The following RBFOX1 variants were observed in gnomAD, a reference collection of about 807,000 sequenced individuals.
RBFOX1 encodes RNA binding fox-1 homolog 1, also known as RNA binding protein fox-1 homolog 1.
RBFOX1 carries 8 observed loss-of-function variants against 57.7 expected under a neutral mutation model. That is an observed-to-expected ratio of 0.14 (90% CI 0.08 to 0.25). RBFOX1 has a LOEUF of 0.25. RBFOX1 is among the 10% of genes least tolerant of loss of function. The pLI, the probability that RBFOX1 is intolerant of heterozygous loss-of-function variation, is 1.00. For missense variants in RBFOX1, 611 were observed against 548.5 expected, an observed-to-expected ratio of 1.11 and a Z score of -1.14; for synonymous variants, 326 against 222.4, an observed-to-expected ratio of 1.47 and a Z score of -4.15.
chr16:7,138,936 G>A (rs934392580), intron 4 of RBFOX1, among the ~76,000 whole-genome samples: 2 of 152,062 alleles, frequency 1.3e-5, no homozygotes, highest in African/African-American at 4.8e-5. Flanking sequence ...AGCCTCCCAA[G>A]TAGCTAAGAT....
At chr16:5,579,878 G>A (rs1006377990) in intron 2 of RBFOX1, among the ~76,000 whole-genome samples, 3 of 151,662 alleles carry the variant, frequency 2.0e-5, no homozygotes, top group Non-Finnish European at 4.4e-5. Context: ...TCCTGCTTCA[G>A]CCTCCCAAGT....
intron 14 of RBFOX1, among the ~76,000 whole-genome samples, chr16:7,679,349 A>G (rs1403881654): frequency 6.6e-6 from 1 of 152,238 alleles, no homozygotes; most frequent in East Asian, 1.9e-4. Context: ...ATATCATCAC[A>G]GCATAGAATC....
intron 1 of RBFOX1, among the ~76,000 whole-genome samples, chr16:6,182,256 A>G (rs2097069176): frequency 6.6e-6 from 1 of 152,156 alleles, no homozygotes; most frequent in South Asian, 2.1e-4. Flanking sequence ...GGAACTGGAA[A>G]TATTTATTGG....
chr16:5,723,711 T>C (rs1046969352), intron 3 of RBFOX1, among the ~76,000 whole-genome samples: 1 of 152,114 alleles, frequency 6.6e-6, no homozygotes, highest in Non-Finnish European at 1.5e-5. Flanking sequence ...GTCTCAGGCT[T>C]GGGCTGGATG....
chr16:6,630,079 G>T (rs1005717301), intron 2 of RBFOX1, among the ~76,000 whole-genome samples: 2 of 151,784 alleles, frequency 1.3e-5, no homozygotes, highest in Non-Finnish European at 1.5e-5. Context: ...CAGGAAGAGG[G>T]TTTTCAAATC....
chr16:5,535,146 T>C (rs1034136382), intron 2 of RBFOX1, among the ~76,000 whole-genome samples: 1 of 152,180 alleles, frequency 6.6e-6, no homozygotes, highest in African/African-American at 2.4e-5. Context: ...TTGAAAAAAT[T>C]AACTAAAATT....
chr16:7,078,920 G>T (rs1428053218), intron 4 of RBFOX1, among the ~76,000 whole-genome samples: 1 of 119,522 alleles, frequency 8.4e-6, no homozygotes, highest in East Asian at 2.8e-4. Context: ...ATGTTGTCCA[G>T]GCTGGTCTTG....
rs115848986 is a variant in RBFOX1, at chr16:7,602,904, G to C, written c.623-4381G>C. On this transcript the variant is annotated intron_variant, in intron 9 of 15. Transcript: ENST00000550418. ...TCAAGTATTTTCTTAGACCATAATA[G>C]AATAAAACTAGAAATGAATAGCAAG... Among the ~76,000 whole-genome samples, 787 of 152,224 alleles carry C rather than the reference G, an allele frequency of 5.2e-3. 5 individuals carry two copies. The highest frequency in any genetic ancestry group is 0.017 in the African/African-American group (716 of 41,542).
intron 2 of RBFOX1, among the ~76,000 whole-genome samples, chr16:5,591,718 A>G (rs557908621): frequency 6.6e-6 from 1 of 152,246 alleles, no homozygotes; most frequent in Non-Finnish European, 1.5e-5. Flanking sequence ...AAGCTACCTC[A>G]TTATCTTAAC....
intron 10 of RBFOX1, among the ~76,000 whole-genome samples, chr16:7,627,745 G>C (rs2060298235): frequency 6.6e-6 from 1 of 152,234 alleles, no homozygotes; most frequent in African/African-American, 2.4e-5. Flanking sequence ...TGCTGCTTTG[G>C]TTTTGTCGAA....
chr16:5,424,875 T>TTC lies in RBFOX1; in HGVS notation c.220-42340_220-42339insCT, dbSNP rs2067473268. The stretch of plus-strand genomic sequence containing the variant: ...TCTCTCTCTCTTCTTTCTTTCTTTT[T>TTC]TTTCTTTCTTTCTTTCTTTCTTTCT... On this transcript the variant is annotated intron_variant, in intron 1 of 2. Coordinates refer to the RBFOX1 transcript ENST00000585867. 5.9e-3 allele frequency among the ~76,000 whole-genome samples: 453 copies of TTC among 76,880 alleles called. 13 individuals are homozygous for TTC. The highest frequency in any genetic ancestry group is 0.018 in the East Asian group (39 of 2,160). The allele number at this position is 76,880 out of a possible 152,430, so 50.4% of individuals were successfully genotyped here.
chr16:6,625,520 C>T (rs186410722), intron 2 of RBFOX1, among the ~76,000 whole-genome samples: 1 of 152,088 alleles, frequency 6.6e-6, no homozygotes, highest in Admixed American at 6.6e-5. Context: ...TCACTCAGTT[C>T]GTTAAAACTT....
chr16:6,845,904 C>T lies in RBFOX1; in HGVS notation c.-16+191254C>T, dbSNP rs28721335. Among the ~76,000 whole-genome samples, 328 of 152,300 alleles carry T rather than the reference C, an allele frequency of 2.2e-3. 1 individual carries two copies. Among genetic ancestry groups the T allele is most frequent in the African/African-American group, 6.6e-3 (275 of 41,562 alleles). ...ATTCTTTATATCTCACTTTAAATGT[C>T]ATTATCTTAAAAAGGCAAATCTCAA... On this transcript the variant is annotated intron_variant, in intron 3 of 15. Transcript: ENST00000550418.
intron 2 of RBFOX1, among the ~76,000 whole-genome samples, chr16:6,632,155 T>C (rs999101052): frequency 6.6e-6 from 1 of 152,138 alleles, no homozygotes; most frequent in African/African-American, 2.4e-5. Context: ...ATCTCTGTGA[T>C]CCTTCACTTC....
intron 4 of RBFOX1, among the ~76,000 whole-genome samples, chr16:7,207,637 G>A (rs1402743633): frequency 6.6e-6 from 1 of 152,198 alleles, no homozygotes; most frequent in African/African-American, 2.4e-5. Context: ...AACAGTCTCT[G>A]CAACCTAAAG....
chr16:6,156,918 T>C (rs2096842404), intron 1 of RBFOX1, among the ~76,000 whole-genome samples: 1 of 152,186 alleles, frequency 6.6e-6, no homozygotes, highest in South Asian at 2.1e-4. Flanking sequence ...TGGTTCACCA[T>C]AGCCCCGAAC....
At chr16:7,627,047 T>C (rs557172578) in intron 10 of RBFOX1, among the ~76,000 whole-genome samples, 88 of 151,612 alleles carry the variant, frequency 5.8e-4, no homozygotes, top group African/African-American at 1.9e-3. Flanking sequence ...AATAACTAAT[T>C]CACCCCTGAG....
intron 6 of RBFOX1, among the ~76,000 whole-genome samples, chr16:7,585,625 C>T (rs181991194): frequency 3.7e-4 from 56 of 152,268 alleles, no homozygotes; most frequent in African/African-American, 1.3e-3. Flanking sequence ...GAATGACAAA[C>T]TTTTGGTTAC....
intron 4 of RBFOX1, among the ~76,000 whole-genome samples, chr16:7,402,539 G>C (rs2098262473): frequency 6.6e-6 from 1 of 152,218 alleles, no homozygotes; most frequent in Non-Finnish European, 1.5e-5. Flanking sequence ...GTTGGGAACA[G>C]ACTTCAAAGT....
Sources: allele counts gnomAD v4.1 joint callset (sites outside exome capture counted in the v4.1 genomes callset), GRCh38; gene constraint gnomAD v4.1.1; transcripts MANE v1.5; gene names NCBI Gene and HGNC (gene_info 2026-07-23, HGNC 2026-07-21).